Variants in TRANK1 observed in about 807,000 individuals in gnomAD.
TRANK1 encodes tetratricopeptide repeat and ankyrin repeat containing 1, also known as TPR and ankyrin repeat-containing protein 1.
A neutral mutation model predicts 266.0 loss-of-function variants in TRANK1; 198 were observed. That is an observed-to-expected ratio of 0.74 (90% CI 0.66 to 0.84). The LOEUF (loss-of-function observed/expected upper bound fraction) is 0.84. Ranked by LOEUF, TRANK1 falls within the 40% of genes least tolerant of loss-of-function variation. The pLI is 0.00. For synonymous variants in TRANK1, 1,396 were observed against 1,384.1 expected, an observed-to-expected ratio of 1.01 and a Z score of -0.19; for missense variants, 3,326 against 3,634.6, an observed-to-expected ratio of 0.92 and a Z score of 2.18.
intron 9 of TRANK1, among the ~76,000 whole-genome samples, 185 bp from the exon 10 acceptor site, chr3:36,864,665 T>C (rs1375626596): frequency 6.6e-6 from 1 of 152,230 alleles, no homozygotes; most frequent in South Asian, 2.1e-4. Flanking sequence ...ACTAGCTTCA[T>C]GACTTGCTAT....
rs759651847 is a variant in TRANK1 at position 36,857,594 on chromosome 3, G to C, written c.2128C>G (p.Leu710Val). 3.8e-5 allele frequency: 61 copies of C among 1,613,936 alleles called. No individual in the cohort carries two copies. Among genetic ancestry groups the C allele is most frequent in the Admixed American group, 5.0e-5 (3 of 60,012 alleles). Residue 710 changes from leucine to valine, a missense_variant, in exon 13 of 24, where the codon CTC becomes GTC. Transcript: ENST00000645898. This position sits in a 1 kb window ranked among gnomAD's most constrained non-coding sequence, Gnocchi z 4.3. ...GSAVPDSWET[L>V]PGTQVTRKEP... is the part of the protein sequence containing the mutation. ...TTCCTGGTCACCTGGGTACCTGGGA[G>C]AGTCTCCCAGCTGTCAGGGACTGCA... is the stretch of plus-strand genomic sequence containing the variant.
Position 36,828,351 on chromosome 3 carries a change from T to G in TRANK1, c.8834A>C (p.Glu2945Ala), listed in dbSNP as rs1210906383. 6.6e-7 allele frequency: 1 copy of G among 1,509,734 alleles called. No individual in the cohort carries two copies. The highest frequency in any genetic ancestry group is 1.4e-5 in the African/African-American group (1 of 71,598). 93.5% of individuals were successfully genotyped at this position (1,509,734 alleles called of 1,614,324 possible). A position where few individuals can be genotyped will look rare whatever the true frequency, so the allele number is the denominator to read the frequency against. Residue 2945 changes from glutamate (E) to alanine (A), a missense_variant, in exon 24 of 24, where the codon GAA becomes GCA. Glu to Ala is a moderately radical substitution (Grantham distance 107, BLOSUM62 -1). Coordinates refer to ENST00000645898, the MANE Select transcript of TRANK1 (RefSeq NM_001329998.2). ...KEGIVQEDDY[E>A]NEVEDFGELR... is the part of the protein sequence containing the mutation. ...CTCACCAAAGTCTTCAACTTCATTT[T>G]CATAATCATCTTCCTGAACAATACC...
chr3:36,942,587 TG>T (rs2080511404), intron 1 of TRANK1, among the ~76,000 whole-genome samples: 1 of 151,762 alleles, frequency 6.6e-6, no homozygotes, highest in Non-Finnish European at 1.5e-5. Context: ...CAGCTCTCTG[TG>T]GACACATAGC....
intron 23 of TRANK1, 59 bp downstream of exon 23, chr3:36,829,505 C>T: frequency 6.4e-7 from 1 of 1,560,910 alleles, no homozygotes; most frequent in Non-Finnish European, 8.8e-7. Flanking sequence ...CGGGAGCCAG[C>T]AGTAATAAGA....
rs2125547395 is a variant in TRANK1 at position 36,857,991 on chromosome 3, A to G, written c.1731T>C (p.Thr577=). ...CATTGGGGTTGAGGTAGTCGAATTC[A>G]GTGGGGTTGGACCAAAACAGATCCA... The part of the protein sequence containing the change: ...HLLDLFWSNP[T]EFDYLNPNVQ... Residue 577 remains threonine, a synonymous_variant, in exon 13 of 24, where the codon ACT becomes ACC. Transcript: ENST00000645898. This position sits in a 1 kb window ranked among gnomAD's most constrained non-coding sequence, Gnocchi z 4.3. 5 of 1,598,114 alleles carry G rather than the reference A, an allele frequency of 3.1e-6. No individual in the cohort carries two copies. Among genetic ancestry groups the G allele is most frequent in the Non-Finnish European group, 4.2e-6 (5 of 1,178,718 alleles).
intron 9 of TRANK1, among the ~76,000 whole-genome samples, chr3:36,869,553 A>G (rs2079276017): frequency 6.6e-6 from 1 of 152,236 alleles, no homozygotes; most frequent in Admixed American, 6.5e-5. Context: ...CCTAAAGACA[A>G]TGCTTCCATC....
At chr3:36,905,388 T>A (rs1295036048) in intron 2 of TRANK1, among the ~76,000 whole-genome samples, 1 of 151,778 alleles carries the variant, frequency 6.6e-6, no homozygotes, top group Admixed American at 6.6e-5. Flanking sequence ...TTAGCTGAGG[T>A]CATGAGGGTG....
At chr3:36,926,087 A>G (rs1293838022) in intron 1 of TRANK1, among the ~76,000 whole-genome samples, 1 of 152,160 alleles carries the variant, frequency 6.6e-6, no homozygotes, top group East Asian at 1.9e-4. Flanking sequence ...CAGTAATGAC[A>G]TATACCCCCA....
chr3:36,943,540 T>C (rs1205155939), intron 1 of TRANK1, among the ~76,000 whole-genome samples: 1 of 124,560 alleles, frequency 8.0e-6, no homozygotes, highest in Non-Finnish European at 1.6e-5. Context: ...CTCAAGCACC[T>C]ATCCTGCAAT....
chr3:36,918,488 AAAG>A (rs1167875244), intron 1 of TRANK1, among the ~76,000 whole-genome samples: 4 of 14,856 alleles, frequency 2.7e-4, no homozygotes, highest in South Asian at 2.0e-3. Flanking sequence ...AGAAAGAAAG[AAAG>A]AAAGAAAGAA....
At chr3:36,837,633 T>G (rs982111450) in intron 20 of TRANK1, among the ~76,000 whole-genome samples, 7 of 152,208 alleles carry the variant, frequency 4.6e-5, no homozygotes, top group Non-Finnish European at 1.0e-4. Flanking sequence ...AAAAAATGAA[T>G]TGATGGGAAG....
chr3:36,892,459 T>C (rs747880919), intron 6 of TRANK1, 119 bp from the exon 7 acceptor site: 5 of 1,228,208 alleles, frequency 4.1e-6, no homozygotes, highest in African/African-American at 3.1e-5. Context: ...GGTCCAAGCC[T>C]AGGATTATTA....
At chr3:36,909,501 G>A (rs1379536342) in intron 1 of TRANK1, among the ~76,000 whole-genome samples, 1 of 152,162 alleles carries the variant, frequency 6.6e-6, no homozygotes, top group Admixed American at 6.5e-5. Flanking sequence ...TTCCTCTCAA[G>A]ATGGCAGAGG....
At chr3:36,941,876 C>A (rs769157307) in intron 1 of TRANK1, among the ~76,000 whole-genome samples, 5 of 152,162 alleles carry the variant, frequency 3.3e-5, no homozygotes, top group Non-Finnish European at 7.3e-5. Flanking sequence ...AATGAGCCTG[C>A]GGTCACTCTG....
rs1224732923 is a variant in TRANK1, at chr3:36,879,914, A to G, written c.908-5618T>C. On this transcript the variant is annotated intron_variant, in intron 8 of 23. Coordinates refer to ENST00000645898, the MANE Select transcript of TRANK1 (RefSeq NM_001329998.2). ...CATGCAAATATATGTAAACATGCAA[A>G]TATATGTAAACATGCAAATATATGT... Among the ~76,000 whole-genome samples the G allele has an allele frequency of 9.8e-5, 7 of 71,422 alleles. 1 individual carries two copies. Among genetic ancestry groups the G allele is most frequent in the Admixed American group, 3.5e-4 (2 of 5,758 alleles). 46.9% of individuals were successfully genotyped at this position (71,422 alleles called of 152,430 possible).
In TRANK1 at chr3:36,895,700, T is replaced by A. The variant is rs1384791904; in HGVS notation, c.492A>T (p.Gly164=). The part of the protein sequence containing the change: ...LPCFDHIFTT[G]FPTEVWQSVI... The stretch of plus-strand genomic sequence containing the variant: ...CAGATTGCCACACTTCTGTTGGGAA[T>A]CCAGTTGTGAAAATATGATCAAAGC... Residue 164 remains glycine (G), a synonymous_variant, in exon 5 of 24, where the codon GGA becomes GGT. Coordinates refer to ENST00000645898, the MANE Select transcript of TRANK1 (RefSeq NM_001329998.2). 1.3e-6 allele frequency: 2 copies of A among 1,536,726 alleles called. No homozygotes were observed. Among genetic ancestry groups the A allele is most frequent in the Non-Finnish European group, 1.7e-6 (2 of 1,146,808 alleles).
At chr3:36,934,062 G>A (rs1319956262) in intron 1 of TRANK1, among the ~76,000 whole-genome samples, 2 of 152,220 alleles carry the variant, frequency 1.3e-5, no homozygotes, top group African/African-American at 2.4e-5. Flanking sequence ...GCTCTAGATG[G>A]CTGCTCAGCT....
rs756383458 is a variant in TRANK1 at position 36,846,355 on chromosome 3, C to T, written c.5084G>A (p.Arg1695Gln). Residue 1695 changes from arginine to glutamine, a missense_variant, in exon 17 of 24, where the codon CGG (arginine) becomes CAG (glutamine). Transcript: ENST00000645898. ...TTCATCAAAGATCCAGAGGTTGACCCGAGCCCGTGTGATGGCGGTGTACAG... is the reference window on the plus strand; with the variant it reads ...TTCATCAAAGATCCAGAGGTTGACCTGAGCCCGTGTGATGGCGGTGTACAG... Reference protein sequence around the residue: ...KQLYTAITRARVNLWIFDENR... With the variant: ...KQLYTAITRAQVNLWIFDENR... 9 of 1,613,768 alleles carry T rather than the reference C, an allele frequency of 5.6e-6. No individual in the cohort carries two copies. The highest frequency in any genetic ancestry group is 1.3e-5 in the African/African-American group (1 of 75,016).
rs1176926294 is a variant in TRANK1, at chr3:36,879,585, TATACAA to T, written c.908-5295_908-5290del. ...ATATAAATATATAAATATATATAAA[TATACAA>T]ATATATAAATATATATAAATATACA... On this transcript the variant is annotated intron_variant, in intron 8 of 23. Transcript: ENST00000645898. Among the ~76,000 whole-genome samples, 16 of 113,724 alleles carry T rather than the reference TATACAA, an allele frequency of 1.4e-4. 1 individual carries two copies. The highest frequency in any genetic ancestry group is 6.0e-4 in the African/African-American group (15 of 25,104). The allele number at this position is 113,724 out of a possible 152,430, so 74.6% of individuals were successfully genotyped here.
Sources: allele counts gnomAD v4.1 joint callset (sites outside exome capture counted in the v4.1 genomes callset), GRCh38; gene constraint gnomAD v4.1.1; non-coding constraint Gnocchi (gnomAD v3.1); transcripts MANE v1.5; gene names NCBI Gene and HGNC (gene_info 2026-07-23, HGNC 2026-07-21).